The following DIPK1B variants were observed in gnomAD, a reference collection of about 807,000 sequenced individuals.
DIPK1B encodes family with sequence similarity 69 member B.
Under a neutral mutation model 20.7 loss-of-function variants are expected in DIPK1B, and 17 were observed. That is an observed-to-expected ratio of 0.82 (90% CI 0.56 to 1.23). DIPK1B has a LOEUF of 1.23. DIPK1B is among the 50% of genes most tolerant of loss of function. The pLI, the probability that DIPK1B is intolerant of heterozygous loss-of-function variation, is 0.00. For synonymous variants in DIPK1B, 343 were observed against 276.5 expected (o/e 1.24, Z -2.39); for missense variants, 648 against 601.8 (o/e 1.08, Z -0.80).
chr9:136,721,129 G>A (rs73668362), intron 2 of DIPK1B: 6,879 of 152,466 alleles, frequency 0.045, 181 homozygotes, highest in Middle Eastern at 0.13. Context: ...GCCCTTCACG[G>A]GATGACACCC....
rs373675382 is a variant in DIPK1B, at chr9:136,723,450, C to G, written c.972C>G (p.Thr324=). The change falls in exon 5 of 5, where the codon ACC becomes ACG. Residue 324 remains threonine (T), a synonymous_variant. Coordinates refer to ENST00000371692, the MANE Select transcript of DIPK1B (RefSeq NM_152421.4). ...ADLQQVAPEA[T]VRRFLQGRRC... Reference sequence around the variant, plus strand: ...TGCAGCAGGTGGCACCCGAGGCCACCGTGCGCCGCTTCCTGCAGGGCCGCC... The same window carrying G: ...TGCAGCAGGTGGCACCCGAGGCCACGGTGCGCCGCTTCCTGCAGGGCCGCC... 2 of 1,611,346 alleles carry G rather than the reference C, an allele frequency of 1.2e-6. No individual in the cohort carries two copies. Among genetic ancestry groups the G allele is most frequent in the Non-Finnish European group, 1.7e-6 (2 of 1,179,158 alleles).
chr9:136,722,016 C>T lies in DIPK1B; in HGVS notation c.294C>T (p.Ala98=). The change falls in exon 3 of 5, where the codon GCC becomes GCT. Residue 98 remains alanine, a synonymous_variant. Transcript: ENST00000371692. Reference sequence around the variant, plus strand: ...AGTGGAGGACCTGCCTCTCGGTGGCCCCGGGCCAGCAGGTATAGCCACTGG... The same window carrying T: ...AGTGGAGGACCTGCCTCTCGGTGGCTCCGGGCCAGCAGGTATAGCCACTGG... The part of the protein sequence containing the change: ...MVEWRTCLSV[A]PGQQVYSGLW... The T allele has an allele frequency of 6.2e-7, 1 of 1,613,368 alleles. No individual in the cohort carries two copies. Among genetic ancestry groups the T allele is most frequent in the Non-Finnish European group, 8.5e-7 (1 of 1,179,948 alleles).
At chr9:136,721,614 C>G (rs749272446) in intron 2 of DIPK1B, 7 of 347,368 alleles carry the variant, frequency 2.0e-5, no homozygotes, top group Non-Finnish European at 3.2e-5. Flanking sequence ...GGCGTGGGGT[C>G]GACACTGGGT....
At chr9:136,719,807 CACT>C (rs796168673) in intron 2 of DIPK1B, among the ~76,000 whole-genome samples, 181 of 152,362 alleles carry the variant, frequency 1.2e-3, no homozygotes, top group African/African-American at 3.5e-3. Flanking sequence ...TCCCCAGCAC[CACT>C]GTGTGCCAGG....
In DIPK1B at chr9:136,717,488, G is replaced by A. The variant is rs570237153; in HGVS notation, c.64-89G>A. 62 of 1,469,586 alleles carry A rather than the reference G, an allele frequency of 4.2e-5. No homozygotes were observed. The East Asian group carries it at 6.1e-4, about 14-fold the overall frequency. 91.0% of individuals were successfully genotyped at this position (1,469,586 alleles called of 1,614,324 possible). A position where few individuals can be genotyped will look rare whatever the true frequency, so the allele number is the denominator to read the frequency against. ...GGCAGGGGAAGGCTGGGGTGGATCC[G>A]GAGGCCCTTCCTGTGGGAAGTGGGG... On this transcript the variant is annotated intron_variant, in intron 1 of 4. Coordinates refer to ENST00000371692, the MANE Select transcript of DIPK1B (RefSeq NM_152421.4).
chr9:136,721,470 G>A (rs1257416706), intron 2 of DIPK1B: 2 of 178,628 alleles, frequency 1.1e-5, no homozygotes, highest in African/African-American at 2.4e-5. Context: ...GTCAGGCAGA[G>A]AGCGCGCGTG....
At chr9:136,718,449 A>G (rs1846537168) in intron 2 of DIPK1B, among the ~76,000 whole-genome samples, 1 of 152,118 alleles carries the variant, frequency 6.6e-6, no homozygotes, top group African/African-American at 2.4e-5. Context: ...AAACGTGTCC[A>G]CATGAGTGCA....
At chr9:136,722,877 C>G (rs573405902) in intron 4 of DIPK1B, 85 bp from the exon 5 acceptor site, 2 of 1,394,042 alleles carry the variant, frequency 1.4e-6, no homozygotes, top group Non-Finnish European at 1.9e-6. Flanking sequence ...CAGACCACCC[C>G]GCCAGGAGGA....
At position 136,723,679 on chromosome 9, in the gene DIPK1B, G is replaced by A. The variant is rs564982211; in HGVS notation, c.1201G>A (p.Gly401Arg). ...GCTGCGCACCTGTACCACGCTGAGC[G>A]GGCTGGCCAGCCAGGTGGAGGCCCA... is the stretch of plus-strand genomic sequence containing the variant. ...TQLRTCTTLS[G>R]LASQVEAHHS... is the part of the protein sequence containing the mutation. The change falls in exon 5 of 5, where the codon GGG (glycine) becomes AGG (arginine). Residue 401 changes from glycine (G) to arginine (R), a missense_variant. Physicochemically the swap from Gly to Arg is moderately radical, Grantham distance 125. Transcript: ENST00000371692. 1.6e-5 allele frequency: 24 copies of A among 1,544,434 alleles called. No individual in the cohort carries two copies. Among genetic ancestry groups the A allele is most frequent in the East Asian group, 9.7e-5 (4 of 41,198 alleles).
In DIPK1B at chr9:136,723,094, T is replaced by C. The variant is rs761251002; in HGVS notation, c.616T>C (p.Phe206Leu). The C allele has an allele frequency of 9.3e-6, 15 of 1,613,410 alleles. No individual in the cohort carries two copies. The highest frequency in any genetic ancestry group is 3.3e-5 in the South Asian group (3 of 91,086). ...SVWALLQRNEFLLLLSLQEKE... is the reference protein window; with the variant it reads ...SVWALLQRNELLLLLSLQEKE... ...GTGGGCCCTGCTGCAGCGTAACGAG[T>C]TCCTGCTGCTGCTGTCCCTGCAGGA... Residue 206 changes from phenylalanine (F) to leucine (L), a missense_variant, in exon 5 of 5, where the codon TTC becomes CTC. Phe to Leu is a conservative substitution (Grantham distance 22). Transcript: ENST00000371692.
chr9:136,714,112 T>A (rs373064382), intron 1 of DIPK1B, among the ~76,000 whole-genome samples: 3 of 152,174 alleles, frequency 2.0e-5, no homozygotes, highest in African/African-American at 7.2e-5. Flanking sequence ...GTGGGGGCCT[T>A]GCAGAGCAGC....
chr9:136,717,688 G>A lies in DIPK1B; in HGVS notation c.175G>A (p.Gly59Ser), dbSNP rs149607683. 1,012 of 1,610,884 alleles carry A rather than the reference G, an allele frequency of 6.3e-4. No homozygotes were observed. Among genetic ancestry groups the A allele is most frequent in the Non-Finnish European group, 8.2e-4 (970 of 1,179,944 alleles). The change falls in exon 2 of 5, where the codon GGC (glycine) becomes AGC (serine). Residue 59 changes from glycine to serine, a missense_variant. Physicochemically the swap from Gly to Ser is moderately conservative, Grantham distance 56. Coordinates refer to ENST00000371692, the MANE Select transcript of DIPK1B (RefSeq NM_152421.4). ...CTCGTCCTACTCGGAGCGCTGTCGCGGCCATGTCTGCCAGGTGGTCATTGT... is the reference window on the plus strand; with the variant it reads ...CTCGTCCTACTCGGAGCGCTGTCGCAGCCATGTCTGCCAGGTGGTCATTGT... ...HYSSYSERCRGHVCQVVICDQ... is the reference protein window; with the variant it reads ...HYSSYSERCRSHVCQVVICDQ...
In DIPK1B at chr9:136,723,040, CG is replaced by C. The variant is rs776979871; in HGVS notation, c.565del (p.Val189CysfsTer166). 19 of 1,613,362 alleles carry C rather than the reference CG, an allele frequency of 1.2e-5. No homozygotes were observed. Among genetic ancestry groups the C allele is most frequent in the Non-Finnish European group, 1.6e-5 (19 of 1,180,034 alleles). ...LLMADFNKDN[R>X]VSLAEAKSVW... ...CATGGCTGACTTCAACAAGGACAAC[CG>C]GGTGTCCCTGGCGGAAGCCAAGTCC... On this transcript the variant is annotated frameshift_variant, in exon 5 of 5. Coordinates refer to ENST00000371692, the MANE Select transcript of DIPK1B (RefSeq NM_152421.4). LOFTEE classifies it low-confidence loss of function (END_TRUNC).
intron 2 of DIPK1B, among the ~76,000 whole-genome samples, chr9:136,720,703 G>A (rs969825042): frequency 1.3e-5 from 2 of 152,168 alleles, no homozygotes; most frequent in South Asian, 2.1e-4. Context: ...CCAGGGGTCC[G>A]TTTTCTCAGC....
At position 136,723,031 on chromosome 9, in the gene DIPK1B, A is replaced by G. The variant is rs200684972; in HGVS notation, c.553A>G (p.Lys185Glu). 9.4e-5 allele frequency: 152 copies of G among 1,613,322 alleles called. No individual in the cohort carries two copies. Among genetic ancestry groups the G allele is most frequent in the Admixed American group, 3.0e-4 (18 of 60,008 alleles). ...GQVLLMADFNKDNRVSLAEAK... is the reference protein window; with the variant it reads ...GQVLLMADFNEDNRVSLAEAK... Reference sequence around the variant, plus strand: ...GGTCCTGCTCATGGCTGACTTCAACAAGGACAACCGGGTGTCCCTGGCGGA... The same window carrying G: ...GGTCCTGCTCATGGCTGACTTCAACGAGGACAACCGGGTGTCCCTGGCGGA... Residue 185 changes from lysine to glutamate, a missense_variant, in exon 5 of 5, where the codon AAG (lysine) becomes GAG (glutamate). Lys to Glu is a moderately conservative substitution (Grantham distance 56). Transcript: ENST00000371692.
chr9:136,723,451 G>A lies in DIPK1B; in HGVS notation c.973G>A (p.Val325Met), dbSNP rs767702024. The change falls in exon 5 of 5, where the codon GTG (valine) becomes ATG (methionine). Residue 325 changes from valine to methionine, a missense_variant. Physicochemically the swap from Val to Met is conservative, Grantham distance 21. Transcript: ENST00000371692. ...DLQQVAPEATVRRFLQGRRCE... is the reference protein window; with the variant it reads ...DLQQVAPEATMRRFLQGRRCE... ...GCAGCAGGTGGCACCCGAGGCCACC[G>A]TGCGCCGCTTCCTGCAGGGCCGCCG... The A allele has an allele frequency of 6.8e-6, 11 of 1,611,312 alleles. No homozygotes were observed. Among genetic ancestry groups the A allele is most frequent in the South Asian group, 2.2e-5 (2 of 90,992 alleles).
At chr9:136,713,748 G>A (rs1452248810) in intron 1 of DIPK1B, among the ~76,000 whole-genome samples, 3 of 152,274 alleles carry the variant, frequency 2.0e-5, no homozygotes, top group Admixed American at 2.0e-4. Context: ...AATGGCAGCA[G>A]AGGGGTGTTG....
At position 136,723,924 on chromosome 9, in the gene DIPK1B, A is replaced by T. The variant is rs1846662800; in HGVS notation, c.*150A>T. 2.5e-6 allele frequency: 2 copies of T among 798,492 alleles called. No individual in the cohort carries two copies. The highest frequency in any genetic ancestry group is 3.9e-6 in the Non-Finnish European group (2 of 515,588). The allele number at this position is 798,492 out of a possible 1,614,324, so 49.5% of individuals were successfully genotyped here. A position where few individuals can be genotyped will look rare whatever the true frequency, so the allele number is the denominator to read the frequency against. ...TCAGGGCTCTGGATTCCAGCACCAC[A>T]GACATGAGACCCCAGCTCGGAGCAA... On this transcript the variant is annotated 3_prime_UTR_variant, in exon 5 of 5. Transcript: ENST00000371692.
Position 136,723,493 on chromosome 9 carries a change from G to A in DIPK1B, c.1015G>A (p.Asp339Asn), listed in dbSNP as rs754752155. The A allele has an allele frequency of 3.7e-5, 60 of 1,609,088 alleles. No individual in the cohort carries two copies. Among genetic ancestry groups the A allele is most frequent in the Non-Finnish European group, 4.5e-5 (53 of 1,178,094 alleles). The change falls in exon 5 of 5, where the codon GAC (aspartate) becomes AAC (asparagine). Residue 339 changes from aspartate to asparagine, a missense_variant. Coordinates refer to ENST00000371692, the MANE Select transcript of DIPK1B (RefSeq NM_152421.4). ...LQGRRCEHST[D>N]CTYGRDCRAP... is the part of the protein sequence containing the mutation. ...GGGCCGCCGCTGCGAGCACAGCACC[G>A]ACTGCACCTACGGGCGCGACTGCAG...
Sources: allele counts gnomAD v4.1 joint callset (sites outside exome capture counted in the v4.1 genomes callset), GRCh38; gene constraint gnomAD v4.1.1; transcripts MANE v1.5; gene names NCBI Gene and HGNC (gene_info 2026-07-23, HGNC 2026-07-21).